Variants in FUT8 observed in about 807,000 individuals in gnomAD.
FUT8 encodes the protein fucosyltransferase 8.
FUT8 carries 29 observed loss-of-function variants against 71.3 expected under a neutral mutation model. The observed-to-expected ratio is 0.41, with a 90% confidence interval of 0.30 to 0.55. FUT8 has a LOEUF of 0.55. Ranked by LOEUF, FUT8 falls within the 20% of genes least tolerant of loss-of-function variation. The pLI, the probability that FUT8 is intolerant of heterozygous loss-of-function variation, is 0.34. For missense variants in FUT8, 544 were observed against 702.1 expected, an observed-to-expected ratio of 0.77 and a Z score of 2.55; for synonymous variants, 254 against 239.3, an observed-to-expected ratio of 1.06 and a Z score of -0.57.
At chr14:65,690,933 C>T (rs1168809522) in intron 7 of FUT8, among the ~76,000 whole-genome samples, 2 of 151,494 alleles carry the variant, frequency 1.3e-5, no homozygotes, top group Non-Finnish European at 2.9e-5. Context: ...ACCATGTTGG[C>T]CAGGCTGGTC....
the FUT8 span, among the ~76,000 whole-genome samples, chr14:65,388,793 C>A: frequency 6.6e-6 from 1 of 150,812 alleles, no homozygotes; most frequent in Non-Finnish European, 1.5e-5. Context: ...AAAAAATAAT[C>A]CATCAATATC....
chr14:65,438,056 G>T (rs1364935228), intron 1 of FUT8, among the ~76,000 whole-genome samples: 2 of 152,090 alleles, frequency 1.3e-5, no homozygotes, highest in Non-Finnish European at 2.9e-5. Flanking sequence ...CTTCTCATAT[G>T]GGCTTTTATA....
chr14:65,696,080 T>C (rs1893983916), intron 7 of FUT8, among the ~76,000 whole-genome samples: 1 of 152,148 alleles, frequency 6.6e-6, no homozygotes, highest in Non-Finnish European at 1.5e-5. Context: ...TTCGTGTTAG[T>C]TATCCATAAG....
At chr14:65,386,418 C>A in the FUT8 span, among the ~76,000 whole-genome samples, 2 of 148,736 alleles carry the variant, frequency 1.3e-5, no homozygotes, top group East Asian at 4.1e-4. Flanking sequence ...GTGGGAGCAT[C>A]TCTGAGCCCA....
chr14:65,675,001 T>C (rs1006367301), intron 7 of FUT8, among the ~76,000 whole-genome samples: 5 of 152,224 alleles, frequency 3.3e-5, no homozygotes, highest in South Asian at 2.1e-4. Context: ...TTACTACTTA[T>C]GGGCCACAAA....
intron 1 of FUT8, among the ~76,000 whole-genome samples, chr14:65,415,706 A>G (rs2065210071): frequency 6.7e-6 from 1 of 149,916 alleles, no homozygotes; most frequent in Non-Finnish European, 1.5e-5. Flanking sequence ...TTTAAAGTAG[A>G]GATAATTCCA....
At chr14:65,560,141 T>C (rs1249358163) in intron 2 of FUT8, among the ~76,000 whole-genome samples, 1 of 152,156 alleles carries the variant, frequency 6.6e-6, no homozygotes, top group Non-Finnish European at 1.5e-5. Flanking sequence ...AGTGGCCCTG[T>C]GCTCTGATTT....
chr14:65,371,819 G>A, the FUT8 span, among the ~76,000 whole-genome samples: 1 of 152,176 alleles, frequency 6.6e-6, no homozygotes, highest in Non-Finnish European at 1.5e-5. Flanking sequence ...ATTAAGTTTA[G>A]AAGCCGAGAT....
chr14:65,628,520 G>A (rs2140259229), intron 5 of FUT8, among the ~76,000 whole-genome samples: 1 of 152,306 alleles, frequency 6.6e-6, no homozygotes, highest in South Asian at 2.1e-4. Context: ...GTGGTGATAT[G>A]TGAAAAATTA....
At position 65,607,153 on chromosome 14, in the gene FUT8, A is replaced by G. The variant is rs1187531596; in HGVS notation, c.204-8825A>G. Among the ~76,000 whole-genome samples, 1 of 151,856 alleles carries G rather than the reference A, an allele frequency of 6.6e-6. No homozygotes were observed. The highest frequency in any genetic ancestry group is 1.5e-5 in the Non-Finnish European group (1 of 67,886). On this transcript the variant is annotated intron_variant, in intron 3 of 10. Coordinates refer to ENST00000673929, the MANE Select transcript of FUT8 (RefSeq NM_001371533.1). This position sits in a 1 kb window ranked among gnomAD's most constrained non-coding sequence, Gnocchi z 4.1. ...TTAAAGTTTATATTATCTGAATAAC[A>G]TTTGTTTCTTCATTTTCTACACTTG...
At chr14:65,608,075 A>AAG (rs2140190283) in intron 3 of FUT8, among the ~76,000 whole-genome samples, 1 of 151,566 alleles carries the variant, frequency 6.6e-6, no homozygotes, top group African/African-American at 2.4e-5. Flanking sequence ...AAAAAAAAAA[A>AAG]AAAAAAATGC....
chr14:65,470,839 T>C (rs2066132950), intron 2 of FUT8, among the ~76,000 whole-genome samples: 2 of 151,882 alleles, frequency 1.3e-5, no homozygotes, highest in African/African-American at 4.8e-5. Flanking sequence ...CAGCTCTGCA[T>C]CGGTCTGCTC....
chr14:65,359,849 G>A, the FUT8 span, among the ~76,000 whole-genome samples: 13 of 150,934 alleles, frequency 8.6e-5, no homozygotes, highest in African/African-American at 2.0e-4. Context: ...TTTTTGAGAC[G>A]GAGTCTTGCT....
chr14:65,501,942 G>T (rs932279144), intron 2 of FUT8, among the ~76,000 whole-genome samples: 3 of 150,246 alleles, frequency 2.0e-5, no homozygotes, highest in African/African-American at 4.9e-5. Context: ...ACAGTGTCTT[G>T]CTCTGATGCC....
chr14:65,731,668 T>A (rs1262659998), intron 9 of FUT8, among the ~76,000 whole-genome samples: 2 of 152,132 alleles, frequency 1.3e-5, no homozygotes, highest in African/African-American at 4.8e-5. Context: ...GTACCTTTTT[T>A]TAAAAAAATA....
Position 65,638,109 on chromosome 14 carries a change from C to A in FUT8, c.597+8503C>A, listed in dbSNP as rs1221249909. Among the ~76,000 whole-genome samples, 1 of 152,318 alleles carries A rather than the reference C, an allele frequency of 6.6e-6. No individual in the cohort carries two copies. The highest frequency in any genetic ancestry group is 1.9e-4 in the East Asian group (1 of 5,186). ...CAACACCCTGGCACAAGGTGAAGTT[C>A]GTAACCACATTTCTTCTGGTTAGCT... On this transcript the variant is annotated intron_variant, in intron 6 of 10. Coordinates refer to ENST00000673929, the MANE Select transcript of FUT8 (RefSeq NM_001371533.1). The surrounding 1 kb of genome is among the most constrained non-coding windows in gnomAD (Gnocchi z 4.5).
At chr14:65,523,860 G>A (rs949923973) in intron 2 of FUT8, among the ~76,000 whole-genome samples, 26 of 152,148 alleles carry the variant, frequency 1.7e-4, no homozygotes, top group Admixed American at 1.2e-3. Flanking sequence ...TTTTTGTCAG[G>A]TTTGTCAAGA....
At chr14:65,485,844 G>T (rs1292256185) in intron 2 of FUT8, among the ~76,000 whole-genome samples, 1 of 152,152 alleles carries the variant, frequency 6.6e-6, no homozygotes, top group African/African-American at 2.4e-5. Context: ...CTGGGCCTTA[G>T]CCTGAAAAGT....
At chr14:65,468,141 G>T in intron 2 of FUT8, 1 of 638,004 alleles carries the variant, frequency 1.6e-6, no homozygotes, top group Admixed American at 1.9e-5. Context: ...CAGCATGTTG[G>T]GTAACACTGC....
Sources: allele counts gnomAD v4.1 joint callset (sites outside exome capture counted in the v4.1 genomes callset), GRCh38; gene constraint gnomAD v4.1.1; non-coding constraint Gnocchi (gnomAD v3.1); transcripts MANE v1.5; gene names NCBI Gene and HGNC (gene_info 2026-07-23, HGNC 2026-07-21).